LCTL: variants seen among roughly 807,000 people sequenced by gnomAD.
LCTL encodes the protein lactase like, also known as lactase-like protein.
A neutral mutation model predicts 75.8 loss-of-function variants in LCTL; 76 were observed. The observed-to-expected ratio is 1.00, with a 90% confidence interval of 0.83 to 1.21. The LOEUF (loss-of-function observed/expected upper bound fraction) is 1.21, where lower values mean the gene tolerates loss of function less well. Among genes scored for constraint, LCTL ranks in the 50% most tolerant of loss-of-function variants. LCTL has a pLI of 0.00. For missense variants in LCTL, 670 were observed against 712.4 expected (o/e 0.94, Z 0.68); for synonymous variants, 271 against 268.8 (o/e 1.01, Z -0.08).
chr15:66,564,833 G>T, exon 2 of LCTL: 1 of 1,611,502 alleles, frequency 6.2e-7, no homozygotes, highest in Non-Finnish European at 8.5e-7. Flanking sequence ...CACGCCCCAG[G>T]AGAAGCCTGC....
rs1305641200 is a variant in LCTL at position 66,564,643 on chromosome 15, G to GCA, written c.282+32_282+33insTG. ...TGTACTCACATGTGTGTGCACGCGC[G>GCA]CGCACACACACACACTCACACCCCG... On this transcript the variant is annotated intron_variant, in intron 2 of 12. Coordinates refer to ENST00000341509, the Ensembl canonical transcript of LCTL. 2.5e-6 allele frequency: 4 copies of GCA among 1,598,644 alleles called. No individual in the cohort carries two copies. The South Asian group carries it at 3.3e-5, about 13-fold the overall frequency.
At chr15:66,562,728 C>T (rs367974531) in intron 4 of LCTL, among the ~76,000 whole-genome samples, 6 of 151,904 alleles carry the variant, frequency 3.9e-5, no homozygotes, top group Admixed American at 2.6e-4. Context: ...GGATTATAGG[C>T]GCCTGCCACC....
chr15:66,563,321 G>A, intron 4 of LCTL, among the ~76,000 whole-genome samples, 195 bp downstream of exon 5: 1 of 152,206 alleles, frequency 6.6e-6, no homozygotes, highest in East Asian at 1.9e-4. Flanking sequence ...CCAGACTCAG[G>A]CATTCCATTG....
At chr15:66,552,708 G>T (rs1038113458) in intron 9 of LCTL, among the ~76,000 whole-genome samples, 2 of 149,164 alleles carry the variant, frequency 1.3e-5, no homozygotes, top group Non-Finnish European at 3.0e-5. Flanking sequence ...GAGGGGACAT[G>T]TACTTTGGTC....
Position 66,557,715 on chromosome 15 carries a change from G to A in LCTL, c.922+7C>T. ...GTATCTGCAGTTTAAAATGAGACTGGGCTCACCAATGTAGTCCTTCATGAC... is the reference window on the plus strand; with the variant it reads ...GTATCTGCAGTTTAAAATGAGACTGAGCTCACCAATGTAGTCCTTCATGAC... On this transcript the variant is annotated splice_region_variant and intron_variant, in intron 8 of 12. Transcript: ENST00000341509. The A allele has an allele frequency of 6.2e-7, 1 of 1,612,524 alleles. No individual in the cohort carries two copies. The highest frequency in any genetic ancestry group is 8.5e-7 in the Non-Finnish European group (1 of 1,179,002).
At chr15:66,558,412 C>T (rs1030195629) in intron 6 of LCTL, among the ~76,000 whole-genome samples, 1 of 152,176 alleles carries the variant, frequency 6.6e-6, no homozygotes, top group African/African-American at 2.4e-5. Context: ...GAATCTAAAA[C>T]ACGCCAACCT....
At chr15:66,553,175 A>G in exon 9 of LCTL, 1 of 1,611,194 alleles carries the variant, frequency 6.2e-7, no homozygotes, top group African/African-American at 1.3e-5. Flanking sequence ...AAGAAATCGG[A>G]TGTGCCTTTA....
At chr15:66,548,631 C>T in intron 12 of LCTL, 26 bp from the exon 14 acceptor site, 1 of 1,183,152 alleles carries the variant, frequency 8.5e-7, no homozygotes. Context: ...GAACGAGCAC[C>T]ACAAATGAGA....
At chr15:66,561,250 G>T in exon 5 of LCTL, 1 of 1,614,222 alleles carries the variant, frequency 6.2e-7, no homozygotes, top group African/African-American at 1.3e-5. Context: ...AGCACAGGTT[G>T]GCGTAGTCTC....
intron 8 of LCTL, among the ~76,000 whole-genome samples, chr15:66,557,329 G>A (rs1895762986): frequency 6.6e-6 from 1 of 152,126 alleles, no homozygotes; most frequent in Non-Finnish European, 1.5e-5. Flanking sequence ...GTGGAAACTG[G>A]AGCTTGGAAA....
chr15:66,563,007 C>A (rs772673649), intron 4 of LCTL, among the ~76,000 whole-genome samples: 4 of 152,208 alleles, frequency 2.6e-5, no homozygotes, highest in Non-Finnish European at 4.4e-5. Context: ...AGCAGTGTGA[C>A]CTCCCTGCCA....
intron 1 of LCTL, 98 bp from the exon 3 acceptor site, chr15:66,564,937 C>CCCTA (rs1230223078): frequency 8.7e-7 from 1 of 1,145,974 alleles, no homozygotes; most frequent in East Asian, 2.4e-5. Flanking sequence ...GACTGCCCCT[C>CCCTA]CCTACCACGC....
chr15:66,564,655 A>C (rs774446970), intron 2 of LCTL, 21 bp downstream of exon 3: 1 of 1,608,294 alleles, frequency 6.2e-7, no homozygotes, highest in South Asian at 1.1e-5. Flanking sequence ...GCACACACAC[A>C]CACTCACACC....
At chr15:66,547,697 G>A (rs762041594) in exon 13 of LCTL, 1 of 152,188 alleles carries the variant, frequency 6.6e-6, no homozygotes, top group South Asian at 2.1e-4. Context: ...TCAGAAGAGT[G>A]TACGTGCTCA....
At chr15:66,552,278 C>A in intron 9 of LCTL, 109 bp from the exon 11 acceptor site, 1 of 863,256 alleles carries the variant, frequency 1.2e-6, no homozygotes, top group Non-Finnish European at 1.8e-6. Context: ...ACATTCTAAT[C>A]AAGTGTATTT....
At position 66,548,369 on chromosome 15, in the gene LCTL, A is replaced by G. The variant is rs565500481; in HGVS notation, c.*121T>C. 13 of 495,532 alleles carry G rather than the reference A, an allele frequency of 2.6e-5. No individual in the cohort carries two copies. In the Admixed American group the frequency reaches 3.8e-4, roughly 15 times the overall value. 30.7% of individuals were successfully genotyped at this position (495,532 alleles called of 1,614,324 possible). Reference sequence around the variant, plus strand: ...ATCCCAGCACAAGCCAAAAAGAGAAAGAGAAAAAAAGGTAATTATTGTAGA... The same window carrying G: ...ATCCCAGCACAAGCCAAAAAGAGAAGGAGAAAAAAAGGTAATTATTGTAGA... On this transcript the variant is annotated 3_prime_UTR_variant, in exon 13 of 13. Transcript: ENST00000341509.
chr15:66,551,598 G>T (rs1895601601), intron 11 of LCTL, 64 bp downstream of exon 12: 20 of 1,335,326 alleles, frequency 1.5e-5, no homozygotes, highest in Non-Finnish European at 2.1e-5. Context: ...CAAGTTCTTT[G>T]TGTGTTCCAG....
At position 66,560,874 on chromosome 15, in the gene LCTL, C is replaced by A; in HGVS notation, c.705+132G>T. On this transcript the variant is annotated intron_variant, in intron 6 of 12. Transcript: ENST00000341509. ...ACAGAACACGCCCTCCATAAATCGT[C>A]ACAGAAGGGAAGGTGCTATGGAGTA... is the stretch of plus-strand genomic sequence containing the variant. 3 of 728,176 alleles carry A rather than the reference C, an allele frequency of 4.1e-6. No homozygotes were observed. In the South Asian group the frequency reaches 5.5e-5, roughly 13 times the overall value. 45.1% of individuals were successfully genotyped at this position (728,176 alleles called of 1,614,324 possible). A position where few individuals can be genotyped will look rare whatever the true frequency, so the allele number is the denominator to read the frequency against.
intron 2 of LCTL, 85 bp from the exon 4 acceptor site, chr15:66,564,083 A>C (rs1347730298): frequency 2.8e-5 from 24 of 866,496 alleles, no homozygotes; most frequent in Admixed American, 1.3e-4. Flanking sequence ...GCCGAGGCTC[A>C]CTCTTGTCTG....
Sources: allele counts gnomAD v4.1 joint callset (sites outside exome capture counted in the v4.1 genomes callset), GRCh38; gene constraint gnomAD v4.1.1; transcripts MANE v1.5; gene names NCBI Gene and HGNC (gene_info 2026-07-23, HGNC 2026-07-21).